The following TRANK1 variants were observed in gnomAD, a reference collection of about 807,000 sequenced individuals.
TRANK1 encodes the protein TPR and ankyrin repeat-containing protein 1.
Under a neutral mutation model 266.0 loss-of-function variants are expected in TRANK1, and 198 were observed. The ratio of observed to expected loss-of-function variants is 0.74; its 90% CI spans 0.66 to 0.84. TRANK1 has a LOEUF of 0.84. Ranked by LOEUF, TRANK1 falls within the 40% of genes least tolerant of loss-of-function variation. TRANK1 has a pLI of 0.00. For missense variants in TRANK1, 3,326 were observed against 3,634.6 expected (o/e 0.92, Z 2.18); for synonymous variants, 1,396 against 1,384.1 (o/e 1.01, Z -0.19).
At chr3:36,939,746 A>T (rs546390848) in intron 1 of TRANK1, among the ~76,000 whole-genome samples, 1 of 152,244 alleles carries the variant, frequency 6.6e-6, no homozygotes, top group Non-Finnish European at 1.5e-5. Flanking sequence ...CTCACATTCC[A>T]GTACAGGTAC....
chr3:36,860,994 T>G lies in TRANK1; in HGVS notation c.1407A>C (p.Ser469=), dbSNP rs752955395. ...GDCLIKDCNF[S]DLDICTIIPH... Reference sequence around the variant, plus strand: ...GGATGATGGTACAGATGTCGAGGTCTGAGAAGTTGCAGTCTTTGATGAGGC... The same window carrying G: ...GGATGATGGTACAGATGTCGAGGTCGGAGAAGTTGCAGTCTTTGATGAGGC... The change falls in exon 11 of 24, where the codon TCA becomes TCC. Residue 469 remains serine (S), a synonymous_variant. Transcript: ENST00000645898. 9.8e-6 allele frequency: 15 copies of G among 1,537,868 alleles called. No homozygotes were observed. In the South Asian group the frequency reaches 1.8e-4, roughly 18 times the overall value.
chr3:36,918,564 T>TAGGAAGGAAGGAAGGA (rs1335352179), intron 1 of TRANK1, among the ~76,000 whole-genome samples: 5 of 15,608 alleles, frequency 3.2e-4, no homozygotes, highest in East Asian at 1.1e-3. Flanking sequence ...GGAAGGAAGG[T>TAGGAAGGAAGGAAGGA]AGGAAGGAAG....
chr3:36,866,010 GAGAC>G lies in TRANK1; in HGVS notation c.1079-1534_1079-1531del, dbSNP rs1045245529. Among the ~76,000 whole-genome samples, 23 of 147,922 alleles carry G rather than the reference GAGAC, an allele frequency of 1.6e-4. 1 individual carries two copies. Among genetic ancestry groups the G allele is most frequent in the South Asian group, 4.3e-4 (2 of 4,662 alleles). On this transcript the variant is annotated intron_variant, in intron 9 of 23. Coordinates refer to ENST00000645898, the MANE Select transcript of TRANK1 (RefSeq NM_001329998.2). Reference sequence around the variant, plus strand: ...AGAAAGAAAGAAAGAGAAAGAGAGAGAGACAGACAGAAAGAAAGAGAGAGAGAGA... The same window carrying G: ...AGAAAGAAAGAAAGAGAAAGAGAGAGAGACAGAAAGAAAGAGAGAGAGAGA...
intron 16 of TRANK1, among the ~76,000 whole-genome samples, chr3:36,846,672 A>G (rs950833431): frequency 3.9e-5 from 6 of 152,178 alleles, no homozygotes; most frequent in African/African-American, 1.4e-4. Context: ...TGAATCAGCC[A>G]TAATTTTTTT....
At chr3:36,855,073 C>T (rs1559428759) in intron 13 of TRANK1, 100 bp downstream of exon 13, 2 of 1,074,004 alleles carry the variant, frequency 1.9e-6, no homozygotes, top group Non-Finnish European at 2.7e-6. Flanking sequence ...ACCCTTACTT[C>T]AGCTGTAAAA....
chr3:36,879,907 C>T (rs184526673), intron 8 of TRANK1, among the ~76,000 whole-genome samples: 1,841 of 19,190 alleles, frequency 0.096, 408 homozygotes, highest in Non-Finnish European at 0.11. Flanking sequence ...TATATGTAAA[C>T]ATGCAAATAT....
chr3:36,940,014 C>A (rs2080474502), intron 1 of TRANK1, among the ~76,000 whole-genome samples: 1 of 151,866 alleles, frequency 6.6e-6, no homozygotes, highest in Non-Finnish European at 1.5e-5. Context: ...CCTCAGCCTC[C>A]CGAGTAGCTA....
Position 36,830,914 on chromosome 3 carries a change from T to C in TRANK1, c.8669A>G (p.Asp2890Gly). The C allele has an allele frequency of 6.2e-7, 1 of 1,613,314 alleles. No individual in the cohort carries two copies. ...CCGCCTGTAGAGGTCCTCCACCATATCCGAAACCCTCTTGATGTGCTCCTG... is the reference window on the plus strand; with the variant it reads ...CCGCCTGTAGAGGTCCTCCACCATACCCGAAACCCTCTTGATGTGCTCCTG... ...KVQEHIKRVS[D>G]MVEDLYRRKA... is the part of the protein sequence containing the mutation. Residue 2890 changes from aspartate to glycine, a missense_variant, in exon 22 of 24, where the codon GAT becomes GGT. Physicochemically the swap from Asp to Gly is moderately conservative, Grantham distance 94. Transcript: ENST00000645898.
At position 36,905,063 on chromosome 3, in the gene TRANK1, C is replaced by A. The variant is rs564942486; in HGVS notation, c.156-1788G>T. 2.1e-4 allele frequency among the ~76,000 whole-genome samples: 32 copies of A among 151,724 alleles called. No homozygotes were observed. In the South Asian group the frequency reaches 3.6e-3, roughly 17 times the overall value. ...CCAGCACTTTAGGAGGCCGAGCGGG[C>A]GGATCACGAGGTCAGGAGATCGAGA... On this transcript the variant is annotated intron_variant, in intron 2 of 23. Coordinates refer to ENST00000645898, the MANE Select transcript of TRANK1 (RefSeq NM_001329998.2).
intron 10 of TRANK1, among the ~76,000 whole-genome samples, chr3:36,864,082 T>C (rs1201791456): frequency 6.6e-6 from 1 of 152,186 alleles, no homozygotes; most frequent in African/African-American, 2.4e-5. Context: ...AAAGAGTAAT[T>C]CTAGAAGGAC....
At chr3:36,892,658 A>G (rs1017374464) in intron 6 of TRANK1, among the ~76,000 whole-genome samples, 3 of 152,032 alleles carry the variant, frequency 2.0e-5, no homozygotes, top group Non-Finnish European at 4.4e-5. Flanking sequence ...GCGAAACCCC[A>G]TCTTTACCAA....
intron 1 of TRANK1, among the ~76,000 whole-genome samples, chr3:36,939,402 A>C (rs1016759193): frequency 6.6e-6 from 1 of 152,104 alleles, no homozygotes; most frequent in Non-Finnish European, 1.5e-5. Flanking sequence ...ATGACTTTGC[A>C]CAGCAGTGTT....
rs188119073 is a variant in TRANK1, at chr3:36,845,331, T to C, written c.5191+917A>G. 3.3e-3 allele frequency among the ~76,000 whole-genome samples: 503 copies of C among 152,330 alleles called. 3 individuals carry two copies. The highest frequency in any genetic ancestry group is 5.8e-3 in the Non-Finnish European group (396 of 68,020). On this transcript the variant is annotated intron_variant, in intron 17 of 23. Coordinates refer to ENST00000645898, the MANE Select transcript of TRANK1 (RefSeq NM_001329998.2). ...CTATCTGAACTATCGGTTCTTACTATCTGAACTAAGAGTTCTTACTGTCTG... is the reference window on the plus strand; with the variant it reads ...CTATCTGAACTATCGGTTCTTACTACCTGAACTAAGAGTTCTTACTGTCTG...
intron 8 of TRANK1, among the ~76,000 whole-genome samples, chr3:36,883,704 G>C (rs1282844782): frequency 6.6e-6 from 1 of 152,114 alleles, no homozygotes; most frequent in African/African-American, 2.4e-5. Flanking sequence ...AGGATGAGAC[G>C]GAAGTGACAT....
In TRANK1 at chr3:36,944,913, C is replaced by A; in HGVS notation, c.-104G>T. 1 of 1,240,764 alleles carries A rather than the reference C, an allele frequency of 8.1e-7. No individual in the cohort carries two copies. Among genetic ancestry groups the A allele is most frequent in the Non-Finnish European group, 1.0e-6 (1 of 958,668 alleles). The allele number at this position is 1,240,764 out of a possible 1,614,324, so 76.9% of individuals were successfully genotyped here. On this transcript the variant is annotated 5_prime_UTR_variant, in exon 1 of 24. Coordinates refer to ENST00000645898, the MANE Select transcript of TRANK1 (RefSeq NM_001329998.2). ...TGCGGAAGCCCGAAAGCTACCGGAG[C>A]CCGGGGCAGGGGCGGCGCGATGCAG...
Position 36,862,251 on chromosome 3 carries a change from A to G in TRANK1, c.1241-1091T>C, listed in dbSNP as rs551607559. ...CCTACCACTAAGAAAGCAGGGAGGA[A>G]GAGCAGAAGGGGAGAAAAATCAAGG... On this transcript the variant is annotated intron_variant, in intron 10 of 23. Transcript: ENST00000645898. Among the ~76,000 whole-genome samples the G allele has an allele frequency of 4.6e-5, 7 of 152,326 alleles. 1 individual carries two copies. In the South Asian group the frequency reaches 1.5e-3, roughly 32 times the overall value.
At chr3:36,876,114 T>C (rs2079385300) in intron 8 of TRANK1, among the ~76,000 whole-genome samples, 1 of 152,270 alleles carries the variant, frequency 6.6e-6, no homozygotes, top group Non-Finnish European at 1.5e-5. Flanking sequence ...TATTTTTTTG[T>C]CTGGTCAGTA....
In TRANK1 at chr3:36,831,607, A is replaced by G; in HGVS notation, c.7976T>C (p.Ile2659Thr). Residue 2659 changes from isoleucine (I) to threonine (T), a missense_variant, in exon 22 of 24, where the codon ATA becomes ACA. By Grantham distance (89) the Ile-to-Thr change is moderately conservative. Coordinates refer to ENST00000645898, the MANE Select transcript of TRANK1 (RefSeq NM_001329998.2). This position sits in a 1 kb window ranked among gnomAD's most constrained non-coding sequence, Gnocchi z 5.0. ...RWDPVHTKGSIVRGLYYEEVR... is the reference protein window; with the variant it reads ...RWDPVHTKGSTVRGLYYEEVR... ...CTCCTCATAATAGAGGCCACGGACT[A>G]TGGACCCTTTGGTGTGCACAGGGTC... 2 of 1,613,920 alleles carry G rather than the reference A, an allele frequency of 1.2e-6. No individual in the cohort carries two copies. Among genetic ancestry groups the G allele is most frequent in the Non-Finnish European group, 1.7e-6 (2 of 1,179,842 alleles).
intron 1 of TRANK1, among the ~76,000 whole-genome samples, chr3:36,938,914 C>T (rs542798783): frequency 1.3e-5 from 2 of 151,600 alleles, no homozygotes; most frequent in Non-Finnish European, 2.9e-5. Context: ...GAGCCTAGAT[C>T]GTGCCACCAA....
Sources: allele counts gnomAD v4.1 joint callset (sites outside exome capture counted in the v4.1 genomes callset), GRCh38; gene constraint gnomAD v4.1.1; non-coding constraint Gnocchi (gnomAD v3.1); transcripts MANE v1.5; gene names NCBI Gene and HGNC (gene_info 2026-07-23, HGNC 2026-07-21).